POC1B: variants seen among roughly 807,000 people sequenced by gnomAD.
The protein encoded by POC1B is POC1 centriolar protein homolog B.
POC1B carries 44 observed loss-of-function variants against 60.6 expected under a neutral mutation model. The observed-to-expected ratio is 0.73, with a 90% CI of 0.57 to 0.93. The LOEUF (loss-of-function observed/expected upper bound fraction) is 0.93. Among genes scored for constraint, POC1B ranks in the 40% least tolerant of loss-of-function variants. The pLI, the probability that POC1B is intolerant of heterozygous loss-of-function variation, is 0.00. For synonymous variants in POC1B, 180 were observed against 198.9 expected, an observed-to-expected ratio of 0.90 and a Z score of 0.80; for missense variants, 555 against 572.3, an observed-to-expected ratio of 0.97 and a Z score of 0.31.
downstream of POC1B, among the ~76,000 whole-genome samples, chr12:89,416,237 A>T (rs1880361985): frequency 6.6e-6 from 1 of 152,228 alleles, no homozygotes; most frequent in African/African-American, 2.4e-5. Context: ...ATAAGCACAG[A>T]ATGCTGAGGA....
intron 10 of POC1B, among the ~76,000 whole-genome samples, chr12:89,455,325 A>G (rs1281978742): frequency 1.3e-5 from 2 of 152,206 alleles, no homozygotes; most frequent in Non-Finnish European, 2.9e-5. Context: ...ACAGAGTGAG[A>G]GACCTTGTCT....
intron 10 of POC1B, among the ~76,000 whole-genome samples, chr12:89,457,667 G>A (rs769949999): frequency 1.3e-4 from 20 of 152,198 alleles, no homozygotes; most frequent in South Asian, 6.2e-4. Context: ...CTTTTAATGC[G>A]TATATATTGG....
chr12:89,436,013 C>T (rs989895965), intron 10 of POC1B, among the ~76,000 whole-genome samples: 2 of 151,052 alleles, frequency 1.3e-5, no homozygotes, highest in East Asian at 3.9e-4. Flanking sequence ...GGCACGATCT[C>T]GACTCACCAC....
At chr12:89,479,506 T>G in intron 4 of POC1B, among the ~76,000 whole-genome samples, 1 of 152,242 alleles carries the variant, frequency 6.6e-6, no homozygotes, top group East Asian at 1.9e-4. Flanking sequence ...CTATACTATT[T>G]ACATTTTAAA....
intron 4 of POC1B, 139 bp from the exon 5 acceptor site, chr12:89,472,414 T>C (rs1055468623): frequency 3.3e-6 from 2 of 604,848 alleles, no homozygotes; most frequent in South Asian, 2.2e-5. Flanking sequence ...TAAAGTCATA[T>C]TCTGCAGCCA....
intron 9 of POC1B, among the ~76,000 whole-genome samples, chr12:89,465,035 T>C (rs1297385653): frequency 6.6e-6 from 1 of 152,156 alleles, no homozygotes; most frequent in Admixed American, 6.5e-5. Context: ...CAGCATTTTG[T>C]AGAGTGCAAT....
intron 4 of POC1B, among the ~76,000 whole-genome samples, chr12:89,479,561 A>G (rs56291414): frequency 6.6e-6 from 1 of 151,372 alleles, no homozygotes; most frequent in Non-Finnish European, 1.5e-5. Flanking sequence ...TATTTATTTA[A>G]ATTAACCTTT....
At chr12:89,445,961 C>T (rs1014210824) in intron 10 of POC1B, among the ~76,000 whole-genome samples, 1 of 152,190 alleles carries the variant, frequency 6.6e-6, no homozygotes, top group Non-Finnish European at 1.5e-5. Context: ...ACAGACACTT[C>T]TCAAAAGAAG....
At chr12:89,418,020 C>T (rs542236704), downstream of POC1B, among the ~76,000 whole-genome samples, 52 of 152,284 alleles carry the variant, frequency 3.4e-4, no homozygotes, top group African/African-American at 1.1e-3. Flanking sequence ...TCCATCAATG[C>T]GGAGTTGCTT....
downstream of POC1B, among the ~76,000 whole-genome samples, chr12:89,418,365 C>T (rs918981362): frequency 2.0e-5 from 3 of 152,086 alleles, no homozygotes; most frequent in East Asian, 1.9e-4. Flanking sequence ...GGAGAAGTTG[C>T]GTCTTGGCCT....
rs1882730550 is a variant in POC1B at position 89,467,609 on chromosome 12, T to G, written c.879+8A>C. On this transcript the variant is annotated splice_region_variant and intron_variant, in intron 8 of 11. Transcript: ENST00000313546. Reference sequence around the variant, plus strand: ...CCAAATCAAAGAGGAGCTGAAAGATTTACAAACCTGTGTGTCTGCACCTCC... The same window carrying G: ...CCAAATCAAAGAGGAGCTGAAAGATGTACAAACCTGTGTGTCTGCACCTCC... The G allele has an allele frequency of 1.2e-6, 2 of 1,606,338 alleles. No homozygotes were observed. Among genetic ancestry groups the G allele is most frequent in the Non-Finnish European group, 1.7e-6 (2 of 1,173,942 alleles).
chr12:89,452,589 G>A (rs1271641354), intron 10 of POC1B, among the ~76,000 whole-genome samples: 3 of 151,786 alleles, frequency 2.0e-5, no homozygotes, highest in Non-Finnish European at 2.9e-5. Context: ...TTGTGACTTT[G>A]AAACTTAAAG....
intron 2 of POC1B, chr12:89,523,911 A>C (rs1325471737): frequency 6.3e-7 from 1 of 1,598,204 alleles, no homozygotes. Flanking sequence ...AAGTGGCCCC[A>C]ATCAGACGGG....
chr12:89,501,597 G>A, intron 2 of POC1B: 2 of 1,378,106 alleles, frequency 1.5e-6, no homozygotes, highest in Non-Finnish European at 2.0e-6. Context: ...CTAAAAAGAA[G>A]CGCTTTTCTA....
chr12:89,491,884 A>G, intron 4 of POC1B, 52 bp downstream of exon 4: 1 of 1,402,706 alleles, frequency 7.1e-7, no homozygotes, highest in Non-Finnish European at 9.4e-7. Context: ...GGGGGCAAAC[A>G]TGAAGCAGAA....
Position 89,421,127 on chromosome 12 carries a change from C to A in POC1B, c.*26G>T. On this transcript the variant is annotated 3_prime_UTR_variant, in exon 12 of 12. Coordinates refer to ENST00000313546, the MANE Select transcript of POC1B (RefSeq NM_172240.3). ...ATTTGTTCATTTATTGGGCCTCTGC[C>A]CAACAAATGAAAATGAATTTTTTAT... 6.5e-7 allele frequency: 1 copy of A among 1,539,026 alleles called. No individual in the cohort carries two copies. Among genetic ancestry groups the A allele is most frequent in the Non-Finnish European group, 8.9e-7 (1 of 1,126,234 alleles).
At chr12:89,458,010 A>G (rs1882326059) in intron 10 of POC1B, among the ~76,000 whole-genome samples, 1 of 152,198 alleles carries the variant, frequency 6.6e-6, no homozygotes, top group South Asian at 2.1e-4. Context: ...CCACCTCAAT[A>G]GCACTGTCTG....
chr12:89,491,968 C>T lies in POC1B; in HGVS notation c.420G>A (p.Leu140=), dbSNP rs140400217. 4.7e-5 allele frequency: 75 copies of T among 1,582,150 alleles called. No individual in the cohort carries two copies. The highest frequency in any genetic ancestry group is 6.4e-5 in the Non-Finnish European group (75 of 1,168,710). The change falls in exon 4 of 12, where the codon TTG becomes TTA. Residue 140 remains leucine (L), a synonymous_variant. Coordinates refer to ENST00000313546, the MANE Select transcript of POC1B (RefSeq NM_172240.3). ...AGCGTACCCAGTGTGTATGTCGATA[C>T]AAGGAATACAGGAAGCGCTGGCGAT... ...SMYRQRFLYS[L]YRHTHWVRCA... is the part of the protein sequence containing the mutation.
chr12:89,473,640 G>A lies in POC1B; in HGVS notation c.453-1365C>T, dbSNP rs1213356814. On this transcript the variant is annotated intron_variant, in intron 4 of 11. Transcript: ENST00000313546. The stretch of plus-strand genomic sequence containing the variant: ...TGTGCCACTGCACTCCAGCTTGGGC[G>A]ACAGAGCAAGACTCGCCTCAGAAAA... Among the ~76,000 whole-genome samples, 6 of 118,792 alleles carry A rather than the reference G, an allele frequency of 5.1e-5. No individual in the cohort carries two copies. In the Admixed American group the frequency reaches 5.7e-4, roughly 11 times the overall value. The allele number at this position is 118,792 out of a possible 152,430, so 77.9% of individuals were successfully genotyped here.
Sources: gnomAD v4.1 joint callset for allele counts (sites outside exome capture counted in the v4.1 genomes callset) on GRCh38, gnomAD v4.1.1 for gene constraint, MANE v1.5 for transcripts, NCBI Gene and HGNC (gene_info 2026-07-23, HGNC 2026-07-21) for gene names.